PCDHGA6: variants seen among roughly 807,000 people sequenced by gnomAD.
PCDHGA6 encodes the protein protocadherin gamma subfamily A, 6.
Under a neutral mutation model 60.6 loss-of-function variants are expected in PCDHGA6, and 41 were observed. That is an observed-to-expected ratio of 0.68 (90% CI 0.53 to 0.88). The LOEUF is 0.88. Among genes scored for constraint, PCDHGA6 ranks in the 40% least tolerant of loss-of-function variants. The pLI, the probability that PCDHGA6 is intolerant of heterozygous loss-of-function variation, is 0.00. For missense variants in PCDHGA6, 1,312 were observed against 1,203.0 expected, an observed-to-expected ratio of 1.09 and a Z score of -1.34; for synonymous variants, 594 against 524.4, an observed-to-expected ratio of 1.13 and a Z score of -1.81.
chr5:141,446,771 A>G (rs1008985621), intron 1 of PCDHGA6, among the ~76,000 whole-genome samples: 3 of 152,158 alleles, frequency 2.0e-5, no homozygotes, highest in Admixed American at 2.0e-4. Flanking sequence ...CCAGCCGGTT[A>G]CCATTCTTTT....
intron 1 of PCDHGA6, among the ~76,000 whole-genome samples, chr5:141,438,611 TATATATATATATATATATATATATAC>T (rs1451681129): frequency 0.1 from 4,016 of 39,372 alleles, 166 homozygotes; most frequent in Middle Eastern, 0.18. Context: ...TATATATATA[TATATATATATATATATATATATATAC>T]ACACACACAC....
chr5:141,506,380 T>C (rs1209879935), intron 3 of PCDHGA6, among the ~76,000 whole-genome samples: 1 of 141,314 alleles, frequency 7.1e-6, no homozygotes, highest in Non-Finnish European at 1.5e-5. Flanking sequence ...ACCTGGGAGG[T>C]GGCTGTGGTG....
Position 141,485,395 on chromosome 5 carries a change from C to T in PCDHGA6, c.2425-9412C>T. On this transcript the variant is annotated intron_variant, in intron 1 of 3. Coordinates refer to ENST00000517434, the MANE Select transcript of PCDHGA6 (RefSeq NM_018919.3). The surrounding 1 kb of genome is among the most constrained non-coding windows in gnomAD (Gnocchi z 5.7). Reference sequence around the variant, plus strand: ...TCGCTGGAGAGGTGAACCAAAGACACTTCCGTGTGGATTTGGACAGCGGAG... The same window carrying T: ...TCGCTGGAGAGGTGAACCAAAGACATTTCCGTGTGGATTTGGACAGCGGAG... 5 of 1,614,154 alleles carry T rather than the reference C, an allele frequency of 3.1e-6. No homozygotes were observed. Among genetic ancestry groups the T allele is most frequent in the Non-Finnish European group, 3.4e-6 (4 of 1,180,026 alleles).
chr5:141,474,188 T>C (rs1203777014), intron 1 of PCDHGA6, among the ~76,000 whole-genome samples: 1 of 152,216 alleles, frequency 6.6e-6, no homozygotes, highest in Non-Finnish European at 1.5e-5. Context: ...CTACTTACAT[T>C]TTTAAAAGCT....
Position 141,408,922 on chromosome 5 carries a change from G to A in PCDHGA6, c.2424+32415G>A, listed in dbSNP as rs762449366. ...TCAAGGATACCAATGATAACCCCCC[G>A]GTTTTCAGCAGAGACGAATATAGAA... On this transcript the variant is annotated intron_variant, in intron 1 of 3. Coordinates refer to ENST00000517434, the MANE Select transcript of PCDHGA6 (RefSeq NM_018919.3). 3.7e-6 allele frequency: 6 copies of A among 1,613,104 alleles called. No homozygotes were observed. In the Admixed American group the frequency reaches 8.3e-5, roughly 22 times the overall value.
At chr5:141,414,498 C>T (rs2095755127) in intron 1 of PCDHGA6, 1 of 1,613,848 alleles carries the variant, frequency 6.2e-7, no homozygotes, top group African/African-American at 1.3e-5. Flanking sequence ...CGGAAGCTCA[C>T]TTTATGCTAC....
intron 1 of PCDHGA6, among the ~76,000 whole-genome samples, chr5:141,480,796 C>G (rs1007525949): frequency 2.6e-5 from 4 of 152,074 alleles, no homozygotes; most frequent in African/African-American, 7.2e-5. Flanking sequence ...ATTTGAAAAC[C>G]ACAGCTTTGG....
At chr5:141,460,951 G>GTATATATA (rs200454978) in intron 1 of PCDHGA6, among the ~76,000 whole-genome samples, 42 of 139,772 alleles carry the variant, frequency 3.0e-4, no homozygotes, top group African/African-American at 1.1e-3. Context: ...TATGTATTAT[G>GTATATATA]TATATATATA....
At chr5:141,449,436 A>T (rs1177598228) in intron 1 of PCDHGA6, among the ~76,000 whole-genome samples, 1 of 151,792 alleles carries the variant, frequency 6.6e-6, no homozygotes, top group African/African-American at 2.4e-5. Flanking sequence ...ATAAAACTCC[A>T]TCTCTACTAA....
chr5:141,376,447 C>T lies in PCDHGA6; in HGVS notation c.2364C>T (p.Ser788=), dbSNP rs777597745. 5.1e-5 allele frequency: 83 copies of T among 1,614,064 alleles called. No individual in the cohort carries two copies. Among genetic ancestry groups the T allele is most frequent in the Admixed American group, 1.3e-4 (8 of 60,000 alleles). The part of the protein sequence containing the change: ...TLINQESYEK[S]EPLLITQDLL... ...TCAACCAGGAGAGCTATGAGAAAAG[C>T]GAGCCTCTTCTGATAACTCAGGATT... is the stretch of plus-strand genomic sequence containing the variant. The change falls in exon 1 of 4, where the codon AGC becomes AGT. Residue 788 remains serine (S), a synonymous_variant. Coordinates refer to ENST00000517434, the MANE Select transcript of PCDHGA6 (RefSeq NM_018919.3).
intron 1 of PCDHGA6, chr5:141,399,297 T>A (rs370898446): frequency 6.2e-7 from 1 of 1,613,830 alleles, no homozygotes; most frequent in African/African-American, 1.3e-5. Context: ...CTTTTAAGAT[T>A]ATCTCTTCAT....
In PCDHGA6 at chr5:141,454,516, C is replaced by T. The variant is rs375583922; in HGVS notation, c.2425-40291C>T. On this transcript the variant is annotated intron_variant, in intron 1 of 3. Coordinates refer to ENST00000517434, the MANE Select transcript of PCDHGA6 (RefSeq NM_018919.3). Reference sequence around the variant, plus strand: ...CCACCTCCTGGATTCAGGCAGTTCTCCTGCCTCAGCCTCCCAAGTAGCTGA... The same window carrying T: ...CCACCTCCTGGATTCAGGCAGTTCTTCTGCCTCAGCCTCCCAAGTAGCTGA... Among the ~76,000 whole-genome samples the T allele has an allele frequency of 1.2e-4, 18 of 152,288 alleles. No individual in the cohort carries two copies. In the East Asian group the frequency reaches 3.1e-3, roughly 26 times the overall value.
intron 1 of PCDHGA6, chr5:141,390,281 G>A (rs995951705): frequency 1.9e-6 from 3 of 1,613,968 alleles, no homozygotes; most frequent in Middle Eastern, 1.6e-4. Context: ...CTTCCCATCA[G>A]GTGAGTTTCC....
intron 1 of PCDHGA6, chr5:141,383,266 A>T: frequency 6.2e-7 from 1 of 1,613,948 alleles, no homozygotes. Context: ...AGACGTGGAA[A>T]TAATAGATAT....
At position 141,494,824 on chromosome 5, in the gene PCDHGA6, G is replaced by C; in HGVS notation, c.2442G>C (p.Thr814=). 6.2e-7 allele frequency: 1 copy of C among 1,614,042 alleles called. No individual in the cohort carries two copies. Among genetic ancestry groups the C allele is most frequent in the East Asian group, 2.2e-5 (1 of 44,866 alleles). The change falls in exon 2 of 4, where the codon ACG becomes ACC. Residue 814 remains threonine, a synonymous_variant. Transcript: ENST00000517434. The part of the protein sequence containing the change: ...PRQLQQAPPN[T]DWRFSQAQRP... ...CTCCACAGCAAGCCCCGCCCAACAC[G>C]GACTGGCGTTTCTCTCAGGCCCAGA...
intron 3 of PCDHGA6, 137 bp from the exon 4 acceptor site, chr5:141,510,810 A>T: frequency 6.6e-7 from 1 of 1,519,768 alleles, no homozygotes; most frequent in African/African-American, 1.4e-5. Context: ...TACCTTGGTG[A>T]CCCCTATATT....
At chr5:141,411,394 A>AC (rs958605809) in intron 1 of PCDHGA6, 4 of 151,570 alleles carry the variant, frequency 2.6e-5, no homozygotes, top group South Asian at 2.1e-4. Context: ...ATATAGGGAG[A>AC]CCCCCCATCT....
At chr5:141,430,996 G>C in intron 1 of PCDHGA6, 8 of 1,614,024 alleles carry the variant, frequency 5.0e-6, no homozygotes, top group Middle Eastern at 3.3e-4. Context: ...CCCTGAATCC[G>C]CGCAGCGGCA....
At position 141,432,247 on chromosome 5, in the gene PCDHGA6, C is replaced by G. The variant is rs139910620; in HGVS notation, c.2424+55740C>G. 61 of 1,614,264 alleles carry G rather than the reference C, an allele frequency of 3.8e-5. No homozygotes were observed. The African/African-American group carries it at 6.3e-4, about 17-fold the overall frequency. On this transcript the variant is annotated intron_variant, in intron 1 of 3. Transcript: ENST00000517434. The surrounding 1 kb of genome is among the most constrained non-coding windows in gnomAD (Gnocchi z 6.0). ...CTTATTCCCTGGCTGAGAACACCAT[C>G]CAAGGGGCAAGCCTATCGTCCTACG...
Sources: gnomAD v4.1 joint callset for allele counts (sites outside exome capture counted in the v4.1 genomes callset) on GRCh38, gnomAD v4.1.1 for gene constraint, Gnocchi (gnomAD v3.1) non-coding constraint, MANE v1.5 for transcripts, NCBI Gene and HGNC (gene_info 2026-07-23, HGNC 2026-07-21) for gene names.